The following PDE10A variants were observed in gnomAD, a reference collection of about 807,000 sequenced individuals.
PDE10A encodes phosphodiesterase 10A, also known as cAMP and cAMP-inhibited cGMP 3',5'-cyclic phosphodiesterase 10A.
Under a neutral mutation model 97.7 loss-of-function variants are expected in PDE10A, and 39 were observed. The observed-to-expected ratio is 0.40, with a 90% confidence interval of 0.31 to 0.52. The LOEUF (loss-of-function observed/expected upper bound fraction) is 0.52. Among genes scored for constraint, PDE10A ranks in the 20% least tolerant of loss-of-function variants. The pLI, the probability that PDE10A is intolerant of heterozygous loss-of-function variation, is 0.56. For missense variants in PDE10A, 731 were observed against 1,047.8 expected (o/e 0.70, Z 4.17); for synonymous variants, 371 against 376.8 (o/e 0.98, Z 0.18).
At chr6:165,449,014 A>G (rs760330764) in intron 4 of PDE10A, 37 bp from the exon 5 acceptor site, 1 of 1,537,756 alleles carries the variant, frequency 6.5e-7, no homozygotes, top group Non-Finnish European at 9.0e-7. Context: ...AACTGAGCTC[A>G]GTGGGAGAAT....
intron 1 of PDE10A, among the ~76,000 whole-genome samples, chr6:165,774,321 T>C (rs1370746984): frequency 1.3e-5 from 2 of 151,936 alleles, no homozygotes; most frequent in Non-Finnish European, 2.9e-5. Context: ...GAAATTACTT[T>C]TCAAGATAAT....
At chr6:165,382,890 C>T (rs116750450) in intron 17 of PDE10A, among the ~76,000 whole-genome samples, 1,871 of 152,140 alleles carry the variant, frequency 0.012, 35 homozygotes, top group African/African-American at 0.043. Context: ...TAGAAAAGGA[C>T]GGATTTAAAC....
chr6:165,714,312 T>TG (rs1173476819), intron 1 of PDE10A, among the ~76,000 whole-genome samples: 1 of 152,140 alleles, frequency 6.6e-6, no homozygotes, highest in African/African-American at 2.4e-5. Flanking sequence ...CTGCCCTCTG[T>TG]GGGGAAAGCG....
chr6:165,826,762 G>T (rs1779767437), intron 1 of PDE10A, among the ~76,000 whole-genome samples: 1 of 149,480 alleles, frequency 6.7e-6, no homozygotes, highest in Non-Finnish European at 1.5e-5. Context: ...TGACATCATG[G>T]AGATGTGCGG....
At chr6:165,618,607 A>T (rs1787833220) in intron 1 of PDE10A, among the ~76,000 whole-genome samples, 1 of 152,174 alleles carries the variant, frequency 6.6e-6, no homozygotes, top group Non-Finnish European at 1.5e-5. Flanking sequence ...GAAGGGGTTC[A>T]GGGCCCCCCA....
chr6:165,825,946 A>G (rs1157286563), intron 1 of PDE10A, among the ~76,000 whole-genome samples: 3 of 152,196 alleles, frequency 2.0e-5, no homozygotes, highest in South Asian at 4.1e-4. Flanking sequence ...ATCCTAAAAT[A>G]TTACAGTCAT....
intron 2 of PDE10A, among the ~76,000 whole-genome samples, chr6:165,537,242 C>T (rs1439079683): frequency 2.0e-5 from 3 of 151,684 alleles, no homozygotes; most frequent in Admixed American, 6.6e-5. Flanking sequence ...AGGGATCTCA[C>T]GAAGGAAGAG....
exon 1 of PDE10A, chr6:165,987,730 C>A (rs1449943951): frequency 4.4e-6 from 2 of 456,564 alleles, no homozygotes; most frequent in Non-Finnish European, 8.8e-6. Flanking sequence ...CCACCACGCT[C>A]GCGCGCTCCG....
chr6:165,368,607 G>T (rs1307226264), intron 18 of PDE10A, among the ~76,000 whole-genome samples: 1 of 152,052 alleles, frequency 6.6e-6, no homozygotes, highest in African/African-American at 2.4e-5. Flanking sequence ...AACACAAATA[G>T]CTCAAAATAG....
chr6:165,555,221 T>G (rs2128333079), intron 1 of PDE10A, among the ~76,000 whole-genome samples: 1 of 152,318 alleles, frequency 6.6e-6, no homozygotes, highest in Admixed American at 6.5e-5. Context: ...GGATACCCCA[T>G]TCTCCATGAT....
intron 1 of PDE10A, among the ~76,000 whole-genome samples, chr6:165,802,507 A>G (rs1779009975): frequency 6.6e-6 from 1 of 152,212 alleles, no homozygotes; most frequent in Non-Finnish European, 1.5e-5. Flanking sequence ...CACAGGAACT[A>G]CAATTTGCCT....
intron 1 of PDE10A, among the ~76,000 whole-genome samples, chr6:165,779,452 A>G (rs1004080330): frequency 1.3e-5 from 2 of 152,142 alleles, no homozygotes; most frequent in Non-Finnish European, 2.9e-5. Flanking sequence ...GCGGCTCCCT[A>G]TTAGATCTAC....
At chr6:165,464,224 G>A (rs375679058) in intron 3 of PDE10A, among the ~76,000 whole-genome samples, 10 of 152,224 alleles carry the variant, frequency 6.6e-5, no homozygotes, top group African/African-American at 1.9e-4. Flanking sequence ...ATAGGTATGT[G>A]TAAGCTGATA....
intron 2 of PDE10A, among the ~76,000 whole-genome samples, chr6:165,491,419 C>T (rs117327495): frequency 0.05 from 7,590 of 152,214 alleles, 266 homozygotes; most frequent in South Asian, 0.091. Flanking sequence ...ACACAACATC[C>T]TAGCCAACAA....
intron 1 of PDE10A, among the ~76,000 whole-genome samples, chr6:165,729,840 A>G (rs960470744): frequency 1.3e-5 from 2 of 152,202 alleles, no homozygotes; most frequent in African/African-American, 4.8e-5. Context: ...CTAGCTTCAG[A>G]CTTTCAGATA....
At chr6:165,932,243 A>G (rs1323699468) in intron 1 of PDE10A, among the ~76,000 whole-genome samples, 1 of 152,222 alleles carries the variant, frequency 6.6e-6, no homozygotes, top group East Asian at 1.9e-4. Context: ...GAGGTTAATA[A>G]GGCTTTTTAA....
chr6:165,701,669 ATGTT>A (rs1381934403), intron 1 of PDE10A, among the ~76,000 whole-genome samples: 1 of 90,136 alleles, frequency 1.1e-5, no homozygotes, highest in Non-Finnish European at 2.3e-5. Flanking sequence ...GTGTGCATGT[ATGTT>A]TGTGTGTGTG....
chr6:165,964,280 C>T (rs1488539763), intron 1 of PDE10A, among the ~76,000 whole-genome samples: 1 of 152,180 alleles, frequency 6.6e-6, no homozygotes, highest in Admixed American at 6.5e-5. Context: ...CAGAAGAGGA[C>T]TTAGACTCGG....
chr6:165,778,847 T>A (rs1467416026), intron 1 of PDE10A, among the ~76,000 whole-genome samples: 1 of 152,226 alleles, frequency 6.6e-6, no homozygotes, highest in African/African-American at 2.4e-5. Flanking sequence ...TTTTTTTTAA[T>A]TAAAAATTTT....
Sources: gnomAD v4.1 joint callset for allele counts (sites outside exome capture counted in the v4.1 genomes callset) on GRCh38, gnomAD v4.1.1 for gene constraint, MANE v1.5 for transcripts, NCBI Gene and HGNC (gene_info 2026-07-23, HGNC 2026-07-21) for gene names.